FRS2: variants seen among roughly 807,000 people sequenced by gnomAD.
FRS2 encodes FGFR signalling adaptor.
In FRS2, 8 loss-of-function variants were observed where a neutral mutation model predicts 43.9. The observed-to-expected ratio is 0.18, with a 90% CI of 0.11 to 0.33. FRS2 has a LOEUF of 0.33. Among genes scored for constraint, FRS2 ranks in the 10% least tolerant of loss-of-function variants. FRS2 has a pLI of 1.00. For synonymous variants in FRS2, 219 were observed against 220.3 expected, an observed-to-expected ratio of 0.99 and a Z score of 0.05; for missense variants, 534 against 627.6, an observed-to-expected ratio of 0.85 and a Z score of 1.59.
rs1250938475 is a variant in FRS2 at position 69,579,338 on chromosome 12, G to T, written c.*4383G>T. The T allele has an allele frequency of 6.6e-6, 1 of 152,584 alleles. No individual in the cohort carries two copies. Among genetic ancestry groups the T allele is most frequent in the Non-Finnish European group, 1.5e-5 (1 of 68,038 alleles). The allele number at this position is 152,584 out of a possible 1,614,324, so 9.5% of individuals were successfully genotyped here. A position where few individuals can be genotyped will look rare whatever the true frequency, so the allele number is the denominator to read the frequency against. On this transcript the variant is annotated 3_prime_UTR_variant, in exon 9 of 9. Coordinates refer to ENST00000549921, the MANE Select transcript of FRS2 (RefSeq NM_001278356.2). ...CTTGCTTTTAAGGACAAGTGTGAAT[G>T]TGCTTTTTAAGCTTAATTTTTGTCA...
chr12:69,482,081 T>C (rs2120754976), intron 1 of FRS2, among the ~76,000 whole-genome samples: 1 of 151,888 alleles, frequency 6.6e-6, no homozygotes, highest in South Asian at 2.1e-4. Context: ...ATGTGTATAA[T>C]GTATAAGTAT....
At chr12:69,492,482 T>C (rs1479421805) in intron 1 of FRS2, among the ~76,000 whole-genome samples, 1 of 152,150 alleles carries the variant, frequency 6.6e-6, no homozygotes, top group Non-Finnish European at 1.5e-5. Flanking sequence ...TTATGGAATC[T>C]GAGAAAAAGG....
At chr12:69,522,190 TTGTGTGTGTGTGTG>T (rs201103216) in intron 1 of FRS2, among the ~76,000 whole-genome samples, 13,477 of 134,780 alleles carry the variant, frequency 0.1, 828 homozygotes, top group Non-Finnish European at 0.15. Context: ...GAAGTTTTCT[TTGTGTGTGTGTGTG>T]TGTGTGTGTG....
intron 1 of FRS2, among the ~76,000 whole-genome samples, chr12:69,493,149 ACTG>A (rs375556617): frequency 1.4e-4 from 22 of 152,320 alleles, no homozygotes; most frequent in African/African-American, 3.8e-4. Context: ...TTAGATAGGA[ACTG>A]CTATTTTTCT....
chr12:69,523,146 C>T (rs1452842220), intron 1 of FRS2, among the ~76,000 whole-genome samples: 1 of 152,116 alleles, frequency 6.6e-6, no homozygotes, highest in East Asian at 1.9e-4. Flanking sequence ...TAATATTCCT[C>T]CTCTAAGGTC....
At chr12:69,519,601 C>G (rs919131949) in intron 1 of FRS2, among the ~76,000 whole-genome samples, 2 of 151,830 alleles carry the variant, frequency 1.3e-5, no homozygotes, top group Non-Finnish European at 2.9e-5. Flanking sequence ...TTGTTCCCCT[C>G]TTTGTGTCCA....
intron 1 of FRS2, among the ~76,000 whole-genome samples, chr12:69,528,866 A>G (rs1876516588): frequency 1.3e-5 from 2 of 152,248 alleles, no homozygotes; most frequent in South Asian, 4.1e-4. Context: ...AGAGAGAGAT[A>G]TCTCTTGTTA....
chr12:69,522,808 A>G (rs1361179893), intron 1 of FRS2, among the ~76,000 whole-genome samples: 1 of 152,188 alleles, frequency 6.6e-6, no homozygotes, highest in Admixed American at 6.5e-5. Flanking sequence ...CATTAGTTTC[A>G]AATAATTTCT....
At chr12:69,549,459 G>A (rs549383959) in intron 3 of FRS2, among the ~76,000 whole-genome samples, 63 of 151,908 alleles carry the variant, frequency 4.1e-4, no homozygotes, top group African/African-American at 1.3e-3. Context: ...AAATCATCAC[G>A]TCTAACTTTG....
chr12:69,524,978 C>T (rs768446834), intron 1 of FRS2, among the ~76,000 whole-genome samples: 6 of 152,072 alleles, frequency 3.9e-5, no homozygotes, highest in African/African-American at 7.2e-5. Context: ...AGCTTCCTCC[C>T]GCTTCAGCTA....
At position 69,574,699 on chromosome 12, in the gene FRS2, T is replaced by A; in HGVS notation, c.1271T>A (p.Ile424Asn). Residue 424 changes from isoleucine to asparagine, a missense_variant, in exon 9 of 9, where the codon ATC becomes AAC. Ile to Asn is a moderately radical substitution (Grantham distance 149). Coordinates refer to ENST00000549921, the MANE Select transcript of FRS2 (RefSeq NM_001278356.2). Reference sequence around the variant, plus strand: ...ACACCAACAGTCTTTAACTTTGATATCAGACGCCCAAGTTTAGAACACAGG... The same window carrying A: ...ACACCAACAGTCTTTAACTTTGATAACAGACGCCCAAGTTTAGAACACAGG... ...DCTPTVFNFDIRRPSLEHRQL... is the reference protein window; with the variant it reads ...DCTPTVFNFDNRRPSLEHRQL... The A allele has an allele frequency of 6.2e-7, 1 of 1,614,158 alleles. No homozygotes were observed. Among genetic ancestry groups the A allele is most frequent in the Non-Finnish European group, 8.5e-7 (1 of 1,180,014 alleles).
chr12:69,487,314 C>T (rs1872045543), intron 1 of FRS2, among the ~76,000 whole-genome samples: 1 of 152,218 alleles, frequency 6.6e-6, no homozygotes, highest in Non-Finnish European at 1.5e-5. Flanking sequence ...CAGGCTGACT[C>T]TCTACTTAGC....
intron 3 of FRS2, among the ~76,000 whole-genome samples, chr12:69,542,637 A>G (rs564004347): frequency 7.9e-5 from 12 of 152,168 alleles, no homozygotes; most frequent in Non-Finnish European, 1.2e-4. Flanking sequence ...GTACCTTCCA[A>G]CCATATGTAA....
intron 4 of FRS2, among the ~76,000 whole-genome samples, chr12:69,565,010 A>T (rs1218416563): frequency 6.6e-6 from 1 of 152,224 alleles, no homozygotes; most frequent in African/African-American, 2.4e-5. Context: ...CCTTCTGAGA[A>T]ATGTGTCATT....
At position 69,574,373 on chromosome 12, in the gene FRS2, T is replaced by C. The variant is rs1881024285; in HGVS notation, c.945T>C (p.Pro315=). The change falls in exon 9 of 9, where the codon CCT becomes CCC. Residue 315 remains proline (P), a synonymous_variant. Transcript: ENST00000549921. The part of the protein sequence containing the change: ...VYENINGLSI[P]SASGVRRGRL... ...AAAATATAAATGGGCTATCTATCCC[T>C]AGTGCCTCAGGGGTCAGGAGAGGTC... 6.2e-7 allele frequency: 1 copy of C among 1,613,514 alleles called. No individual in the cohort carries two copies. Among genetic ancestry groups the C allele is most frequent in the Non-Finnish European group, 8.5e-7 (1 of 1,179,718 alleles).
At chr12:69,493,236 T>G (rs768071529) in intron 1 of FRS2, among the ~76,000 whole-genome samples, 4 of 152,248 alleles carry the variant, frequency 2.6e-5, no homozygotes, top group Non-Finnish European at 5.9e-5. Flanking sequence ...TTGGGTATGC[T>G]TGAGCTCAGC....
intron 3 of FRS2, among the ~76,000 whole-genome samples, chr12:69,546,336 C>T (rs1878404482): frequency 6.6e-6 from 1 of 152,004 alleles, no homozygotes; most frequent in South Asian, 2.1e-4. Context: ...CGGCTCACTG[C>T]AACCTCCCCC....
chr12:69,546,376 GC>G (rs1434695653), intron 3 of FRS2, among the ~76,000 whole-genome samples: 2 of 151,960 alleles, frequency 1.3e-5, no homozygotes, highest in African/African-American at 4.8e-5. Context: ...TTACGTCTCA[GC>G]CTCCCAAGTA....
intron 1 of FRS2, among the ~76,000 whole-genome samples, chr12:69,528,638 A>G: frequency 6.6e-6 from 1 of 152,198 alleles, no homozygotes; most frequent in African/African-American, 2.4e-5. Context: ...GTGTAGCTCT[A>G]CAGATGTTTA....
Sources: gnomAD v4.1 joint callset for allele counts (sites outside exome capture counted in the v4.1 genomes callset) on GRCh38, gnomAD v4.1.1 for gene constraint, MANE v1.5 for transcripts, NCBI Gene and HGNC (gene_info 2026-07-23, HGNC 2026-07-21) for gene names.